The following MUS81 variants were observed in gnomAD, a reference collection of about 807,000 sequenced individuals.
MUS81 encodes MUS81 structure-specific endonuclease subunit.
MUS81 carries 69 observed loss-of-function variants against 74.2 expected under a neutral mutation model. That is an observed-to-expected ratio of 0.93 (90% CI 0.77 to 1.14). The LOEUF (loss-of-function observed/expected upper bound fraction) is 1.14. Among genes scored for constraint, MUS81 ranks in the 50% most tolerant of loss-of-function variants. The pLI is 0.00. For missense variants in MUS81, 711 were observed against 726.5 expected (o/e 0.98, Z 0.25); for synonymous variants, 303 against 300.6 (o/e 1.01, Z -0.08).
rs556719020 is a variant in MUS81, at chr11:65,865,298, G to C, written c.1480G>C (p.Val494Leu). The change falls in exon 14 of 16, where the codon GTG becomes CTG. Residue 494 changes from valine to leucine, a missense_variant. Physicochemically the swap from Val to Leu is conservative, Grantham distance 32 (BLOSUM62 1). Coordinates refer to ENST00000308110, the MANE Select transcript of MUS81 (RefSeq NM_025128.5). ...GAGTGGGGAGAAGGCAGCAGCCCTG[G>C]TGGATCGATACAGCACCCCTGCCAG... ...GVSGEKAAAL[V>L]DRYSTPASLL... The C allele has an allele frequency of 8.7e-6, 14 of 1,614,080 alleles. No individual in the cohort carries two copies. The Admixed American group carries it at 2.2e-4, about 25-fold the overall frequency.
At position 65,862,044 on chromosome 11, in the gene MUS81, T is replaced by G; in HGVS notation, c.449T>G (p.Leu150Arg). Residue 150 changes from leucine to arginine, a missense_variant and splice_region_variant, in exon 4 of 16, where the codon CTG becomes CGG. By Grantham distance (102) the Leu-to-Arg change is moderately radical (BLOSUM62 -2). Coordinates refer to ENST00000308110, the MANE Select transcript of MUS81 (RefSeq NM_025128.5). The stretch of plus-strand genomic sequence containing the variant: ...CTGCTGGTGCTCTACCGGGAGCACC[T>G]GGTGAGCACTGGGCTACACCGGGAG... ...VILLVLYREH[L>R]NPNGHHFLTK... The G allele has an allele frequency of 6.2e-7, 1 of 1,606,116 alleles. No individual in the cohort carries two copies. Among genetic ancestry groups the G allele is most frequent in the South Asian group, 1.1e-5 (1 of 90,210 alleles).
At position 65,864,706 on chromosome 11, in the gene MUS81, G is replaced by A. The variant is rs561019416; in HGVS notation, c.1177-14G>A. Reference sequence around the variant, plus strand: ...CCAGGAGCCACCTTCCCTCTCTTGGGTCCTCTTCCCCAGGTCATTGATGGC... The same window carrying A: ...CCAGGAGCCACCTTCCCTCTCTTGGATCCTCTTCCCCAGGTCATTGATGGC... On this transcript the variant is annotated splice_polypyrimidine_tract_variant and intron_variant, in intron 11 of 15. Coordinates refer to ENST00000308110, the MANE Select transcript of MUS81 (RefSeq NM_025128.5). The A allele has an allele frequency of 5.0e-6, 8 of 1,614,002 alleles. No individual in the cohort carries two copies. The African/African-American group carries it at 5.3e-5, about 11-fold the overall frequency.
chr11:65,863,491 C>T lies in MUS81; in HGVS notation c.828C>T (p.Gly276=), dbSNP rs768959193. Residue 276 remains glycine, a synonymous_variant, in exon 8 of 16, where the codon GGC becomes GGT. Transcript: ENST00000308110. The part of the protein sequence containing the change: ...EYRVLLCVDI[G]ETRGGGHRPE... ...GGGTGCTGTTGTGTGTGGACATTGGCGAGACCCGGGGGTGAGTGAGGTGGG... is the reference window on the plus strand; with the variant it reads ...GGGTGCTGTTGTGTGTGGACATTGGTGAGACCCGGGGGTGAGTGAGGTGGG... The T allele has an allele frequency of 1.3e-5, 21 of 1,613,960 alleles. No homozygotes were observed. The highest frequency in any genetic ancestry group is 2.2e-5 in the South Asian group (2 of 91,076).
At position 65,861,091 on chromosome 11, in the gene MUS81, G is replaced by A. The variant is rs753579826; in HGVS notation, c.254G>A (p.Arg85Gln). The A allele has an allele frequency of 2.5e-6, 4 of 1,612,370 alleles. No homozygotes were observed. Among genetic ancestry groups the A allele is most frequent in the Non-Finnish European group, 1.7e-6 (2 of 1,179,978 alleles). Residue 85 changes from arginine (R) to glutamine (Q), a missense_variant, in exon 2 of 16, where the codon CGA (arginine) becomes CAA (glutamine). By Grantham distance (43) the Arg-to-Gln change is conservative (BLOSUM62 1). Transcript: ENST00000308110. ...RMLDERLQRH[R>Q]TSGGDHAPDS... ...CTGGACGAGCGGCTGCAGCGGCACC[G>A]AACATCGGGCGGTGAGCGCCTCGGA...
chr11:65,866,782 G>C, downstream of MUS81: 1 of 1,149,578 alleles, frequency 8.7e-7, no homozygotes, highest in Non-Finnish European at 1.3e-6. Flanking sequence ...GCCCCAGCCT[G>C]AGGCTTCCTG....
chr11:65,864,028 C>T (rs1480238472), intron 10 of MUS81, 127 bp downstream of exon 10: 1 of 889,078 alleles, frequency 1.1e-6, no homozygotes, highest in Non-Finnish European at 1.8e-6. Flanking sequence ...CCACACCCAC[C>T]CTGTGGCTGC....
rs759532347 is a variant in MUS81 at position 65,863,026 on chromosome 11, TGAA to T, written c.606-34_606-32del. ...GGCAGGAAAGCCTGCCAGGAATGAGTGAAGAAGGTAGAGCTGTGTTGTCCCCTC... is the reference window on the plus strand; with the variant it reads ...GGCAGGAAAGCCTGCCAGGAATGAGTGAAGGTAGAGCTGTGTTGTCCCCTC... On this transcript the variant is annotated intron_variant, in intron 6 of 15. Coordinates refer to ENST00000308110, the MANE Select transcript of MUS81 (RefSeq NM_025128.5). 75 of 1,612,212 alleles carry T rather than the reference TGAA, an allele frequency of 4.7e-5. 2 individuals are homozygous for T. The South Asian group carries it at 6.6e-4, about 14-fold the overall frequency.
In MUS81 at chr11:65,860,534, CT is replaced by C; in HGVS notation, c.-219del. ...GAAAAGATCGTTAGAGACAGCGCCC[CT>C]GACCAACCACTTAGAGCAGCGCAGG... On this transcript the variant is annotated 5_prime_UTR_variant, in exon 1 of 16. Transcript: ENST00000308110. 4 of 622,712 alleles carry C rather than the reference CT, an allele frequency of 6.4e-6. No individual in the cohort carries two copies. Among genetic ancestry groups the C allele is most frequent in the Non-Finnish European group, 1.1e-5 (4 of 355,370 alleles). The allele number at this position is 622,712 out of a possible 1,614,324, so 38.6% of individuals were successfully genotyped here. A position where few individuals can be genotyped will look rare whatever the true frequency, so the allele number is the denominator to read the frequency against.
rs1381746327 is a variant in MUS81 at position 65,863,690 on chromosome 11, G to A, written c.930G>A (p.Trp310Ter). 6.2e-7 allele frequency: 1 copy of A among 1,613,896 alleles called. No homozygotes were observed. Among genetic ancestry groups the A allele is most frequent in the Non-Finnish European group, 8.5e-7 (1 of 1,179,974 alleles). Residue 310 changes from tryptophan to a stop codon, truncating the protein, a stop_gained, in exon 9 of 16, where the codon TGG (tryptophan) becomes TGA (stop). Coordinates refer to ENST00000308110, the MANE Select transcript of MUS81 (RefSeq NM_025128.5). LOFTEE classifies it high-confidence loss of function. ...VRKLHVGDFV[W>*]VAQETNPRDP... ...AGCTGCACGTTGGAGATTTTGTGTG[G>A]GTGGCCCAGGAGACCAATCCTAGAG... is the stretch of plus-strand genomic sequence containing the variant.
At chr11:65,859,841 G>A (rs1408415343), upstream of MUS81, among the ~76,000 whole-genome samples, 1 of 152,118 alleles carries the variant, frequency 6.6e-6, no homozygotes, top group Admixed American at 6.5e-5. Flanking sequence ...TCCCACTTCC[G>A]ATTAGCCACA....
chr11:65,864,407 C>T (rs1478370045), intron 10 of MUS81, 90 bp from the exon 11 acceptor site: 2 of 1,198,990 alleles, frequency 1.7e-6, no homozygotes, highest in Non-Finnish European at 2.5e-6. Flanking sequence ...GGAACAGGGT[C>T]CCGGCACCAT....
Position 65,865,164 on chromosome 11 carries a change from T to C in MUS81, c.1401+19T>C. On this transcript the variant is annotated intron_variant, in intron 13 of 15. Transcript: ENST00000308110. ...GAATAAGGTACTGTCTCTGCCTAGC[T>C]TCTCAGACATGGCCTGGCCCAGACC... The C allele has an allele frequency of 6.2e-7, 1 of 1,614,212 alleles. No homozygotes were observed. Among genetic ancestry groups the C allele is most frequent in the African/African-American group, 1.3e-5 (1 of 75,070 alleles).
rs1565263371 is a variant in MUS81, at chr11:65,860,484, A to G, written c.-270A>G. The G allele has an allele frequency of 1.8e-6, 1 of 564,942 alleles. No individual in the cohort carries two copies. Among genetic ancestry groups the G allele is most frequent in the Non-Finnish European group, 3.2e-6 (1 of 312,254 alleles). 35.0% of individuals were successfully genotyped at this position (564,942 alleles called of 1,614,324 possible). On this transcript the variant is annotated 5_prime_UTR_variant, in exon 1 of 16. Transcript: ENST00000308110. Reference sequence around the variant, plus strand: ...GGGGGCTGGGAAAGGGCGCGTCTCAAAGGCTGGCTGGAGTGGAGCCAAGGG... The same window carrying G: ...GGGGGCTGGGAAAGGGCGCGTCTCAGAGGCTGGCTGGAGTGGAGCCAAGGG...
At position 65,865,260 on chromosome 11, in the gene MUS81, A is replaced by G; in HGVS notation, c.1442A>G (p.Gln481Arg). Residue 481 changes from glutamine to arginine, a missense_variant, in exon 14 of 16, where the codon CAG becomes CGG. Coordinates refer to ENST00000308110, the MANE Select transcript of MUS81 (RefSeq NM_025128.5). ...GAAGTGTTTGCCCGGCAGCTGATGC[A>G]GGTGCGCGGAGTGAGTGGGGAGAAG... is the stretch of plus-strand genomic sequence containing the variant. The part of the protein sequence containing the change: ...VREVFARQLM[Q>R]VRGVSGEKAA... 6.2e-7 allele frequency: 1 copy of G among 1,614,158 alleles called. No individual in the cohort carries two copies. The highest frequency in any genetic ancestry group is 8.5e-7 in the Non-Finnish European group (1 of 1,180,008).
intron 3 of MUS81, chr11:65,861,744 G>C: frequency 1.6e-6 from 1 of 615,148 alleles, no homozygotes; most frequent in South Asian, 2.0e-5. Flanking sequence ...GCCAGGCTGG[G>C]CAGACACCCC....
Position 65,864,718 on chromosome 11 carries a change from AGGTCATT to A in MUS81, c.1177_1183del (p.Val393MetfsTer5). On this transcript the variant is annotated splice_acceptor_variant and coding_sequence_variant, in exon 12 of 16. Transcript: ENST00000308110. LOFTEE classifies it high-confidence loss of function. The stretch of plus-strand genomic sequence containing the variant: ...TTCCCTCTCTTGGGTCCTCTTCCCC[AGGTCATT>A]GATGGCTTTTTTGTGAAGCGCACAG... 1 of 1,614,098 alleles carries A rather than the reference AGGTCATT, an allele frequency of 6.2e-7. No individual in the cohort carries two copies. Among genetic ancestry groups the A allele is most frequent in the Non-Finnish European group, 8.5e-7 (1 of 1,180,004 alleles).
chr11:65,865,966 C>G lies in MUS81; in HGVS notation c.1590-20C>G, dbSNP rs555818844. On this transcript the variant is annotated intron_variant, in intron 15 of 15. Transcript: ENST00000308110. ...TGCCCTAGGCCCAGGGCGTGACCCT[C>G]GCTGCCTCTCTTCCTGCAGGAATCT... The G allele has an allele frequency of 2.5e-6, 4 of 1,613,756 alleles. No individual in the cohort carries two copies. Among genetic ancestry groups the G allele is most frequent in the Admixed American group, 3.3e-5 (2 of 59,976 alleles).
chr11:65,864,508 G>A lies in MUS81; in HGVS notation c.1071G>A (p.Lys357=). The A allele has an allele frequency of 6.2e-7, 1 of 1,614,088 alleles. No individual in the cohort carries two copies. The highest frequency in any genetic ancestry group is 8.5e-7 in the Non-Finnish European group (1 of 1,179,968). The part of the protein sequence containing the change: ...GRFREQKFRL[K]RCGLERRVYL... Reference sequence around the variant, plus strand: ...GTACACTTCCCTAGTTCCGGCTGAAGCGCTGTGGTCTGGAGCGCCGGGTAT... The same window carrying A: ...GTACACTTCCCTAGTTCCGGCTGAAACGCTGTGGTCTGGAGCGCCGGGTAT... Residue 357 remains lysine (K), a synonymous_variant, in exon 11 of 16, where the codon AAG becomes AAA. Transcript: ENST00000308110.
rs1565263357 is a variant in MUS81 at position 65,860,479 on chromosome 11, TC to T, written c.-274del. 1.8e-6 allele frequency: 1 copy of T among 557,044 alleles called. No individual in the cohort carries two copies. The highest frequency in any genetic ancestry group is 3.3e-6 in the Non-Finnish European group (1 of 307,094). The allele number at this position is 557,044 out of a possible 1,614,324, so 34.5% of individuals were successfully genotyped here. A position where few individuals can be genotyped will look rare whatever the true frequency, so the allele number is the denominator to read the frequency against. Reference sequence around the variant, plus strand: ...GCTCCGGGGGCTGGGAAAGGGCGCGTCTCAAAGGCTGGCTGGAGTGGAGCCA... The same window carrying T: ...GCTCCGGGGGCTGGGAAAGGGCGCGTTCAAAGGCTGGCTGGAGTGGAGCCA... On this transcript the variant is annotated 5_prime_UTR_variant, in exon 1 of 16. Coordinates refer to ENST00000308110, the MANE Select transcript of MUS81 (RefSeq NM_025128.5).
Sources: allele counts gnomAD v4.1 joint callset (sites outside exome capture counted in the v4.1 genomes callset), GRCh38; gene constraint gnomAD v4.1.1; transcripts MANE v1.5; gene names NCBI Gene and HGNC (gene_info 2026-07-23, HGNC 2026-07-21).